The following ITPRID1 variants were observed in gnomAD, a reference collection of about 807,000 sequenced individuals.
The protein encoded by ITPRID1 is ITPR interacting domain containing 1.
ITPRID1 carries 96 observed loss-of-function variants against 95.4 expected under a neutral mutation model. The observed-to-expected ratio is 1.01, with a 90% confidence interval of 0.85 to 1.19. ITPRID1 has a LOEUF of 1.19. Ranked by LOEUF, ITPRID1 falls within the 50% of genes most tolerant of loss-of-function variation. ITPRID1 has a pLI of 0.00. For missense variants in ITPRID1, 1,339 were observed against 1,252.9 expected (o/e 1.07, Z -1.04); for synonymous variants, 510 against 453.6 (o/e 1.12, Z -1.58).
In ITPRID1 at chr7:31,641,713, T is replaced by C. The variant is rs555847489; in HGVS notation, c.1229-463T>C. ...CTAAAACATGAGCACAAACTTGTAG[T>C]CATAGAAATAGTCCAGCTGAAGCTA... On this transcript the variant is annotated intron_variant, in intron 10 of 14. Transcript: ENST00000615280. 3.9e-5 allele frequency among the ~76,000 whole-genome samples: 6 copies of C among 152,258 alleles called. No individual in the cohort carries two copies. In the East Asian group the frequency reaches 1.2e-3, roughly 29 times the overall value.
intron 12 of ITPRID1, among the ~76,000 whole-genome samples, chr7:31,649,957 G>A (rs898575413): frequency 6.6e-6 from 1 of 152,124 alleles, no homozygotes; most frequent in Non-Finnish European, 1.5e-5. Flanking sequence ...AATAAGGGAG[G>A]GTGAAGAGTA....
intron 10 of ITPRID1, among the ~76,000 whole-genome samples, chr7:31,630,278 A>G (rs376557799): frequency 6.6e-6 from 1 of 151,012 alleles, no homozygotes; most frequent in East Asian, 1.9e-4. Context: ...AAAATTAATC[A>G]TATTAGTAAT....
chr7:31,600,036 C>T (rs1786326991), intron 10 of ITPRID1, among the ~76,000 whole-genome samples: 1 of 151,948 alleles, frequency 6.6e-6, no homozygotes, highest in Non-Finnish European at 1.5e-5. Flanking sequence ...GAAATATTTC[C>T]AAATATTTCA....
intron 7 of ITPRID1, among the ~76,000 whole-genome samples, chr7:31,573,900 T>C (rs73311422): frequency 0.14 from 20,804 of 151,470 alleles, 1,676 homozygotes; most frequent in African/African-American, 0.21. Context: ...ATAAATATAA[T>C]TTCCAGCTAA....
chr7:31,639,491 C>T (rs1789807753), intron 10 of ITPRID1, among the ~76,000 whole-genome samples: 1 of 150,182 alleles, frequency 6.7e-6, no homozygotes, highest in Non-Finnish European at 1.5e-5. Context: ...TTTCCTCTAG[C>T]TTCTTGAACA....
At chr7:31,630,108 G>A (rs1051831949) in intron 10 of ITPRID1, among the ~76,000 whole-genome samples, 1 of 151,920 alleles carries the variant, frequency 6.6e-6, no homozygotes, top group Non-Finnish European at 1.5e-5. Context: ...ATAGGTACTT[G>A]TTTAATTCTT....
Position 31,545,102 on chromosome 7 carries a change from G to A in ITPRID1, c.-97-4324G>A, listed in dbSNP as rs569193381. On this transcript the variant is annotated intron_variant, in intron 1 of 14. Transcript: ENST00000615280. The stretch of plus-strand genomic sequence containing the variant: ...TAAGGGGCTACACAGGTTGCTGTGA[G>A]TGTCAGAAGTAGGTTAGAGTCAGGG... Among the ~76,000 whole-genome samples, 29 of 152,278 alleles carry A rather than the reference G, an allele frequency of 1.9e-4. No individual in the cohort carries two copies. In the East Asian group the frequency reaches 5.4e-3, roughly 28 times the overall value.
Position 31,569,776 on chromosome 7 carries a change from G to A in ITPRID1, c.275G>A (p.Gly92Glu), listed in dbSNP as rs1160950205. 4 of 1,586,746 alleles carry A rather than the reference G, an allele frequency of 2.5e-6. No individual in the cohort carries two copies. The African/African-American group carries it at 5.4e-5, about 21-fold the overall frequency. ...IDRTVSLYEQ[G>E]MVQMTVKDYM... ...GTTGCAGTTTCTTTGTATGAACAAG[G>A]GATGGTTCAAATGACTGTGAAAGAC... Residue 92 changes from glycine (G) to glutamate (E), a missense_variant, in exon 6 of 15, where the codon GGG becomes GAG. Coordinates refer to ENST00000615280, the MANE Select transcript of ITPRID1 (RefSeq NM_001257967.3).
intron 2 of ITPRID1, among the ~76,000 whole-genome samples, chr7:31,549,904 A>G (rs980064220): frequency 6.6e-6 from 1 of 152,216 alleles, no homozygotes; most frequent in Non-Finnish European, 1.5e-5. Flanking sequence ...GAAATAACTC[A>G]GAGGACAAGA....
chr7:31,603,473 T>TTTTTTTTTTTTTTTTTTTTTTTGA (rs1173960308), intron 10 of ITPRID1, among the ~76,000 whole-genome samples: 2 of 152,114 alleles, frequency 1.3e-5, no homozygotes, highest in Non-Finnish European at 2.9e-5. Flanking sequence ...TTTTCTTAAT[T>TTTTTTTTTTTTTTTTTTTTTTTGA]GACTGAGTAT....
intron 1 of ITPRID1, among the ~76,000 whole-genome samples, chr7:31,520,843 G>C (rs551764454): frequency 3.9e-5 from 6 of 151,938 alleles, no homozygotes; most frequent in Middle Eastern, 3.4e-3. Context: ...AGTTAAACAT[G>C]AGTTAATACT....
intron 10 of ITPRID1, among the ~76,000 whole-genome samples, chr7:31,595,583 T>C (rs1021632812): frequency 6.6e-6 from 1 of 152,038 alleles, no homozygotes; most frequent in Non-Finnish European, 1.5e-5. Context: ...AATGAAGACA[T>C]TTTATGTAAA....
rs767805607 is a variant in ITPRID1 at position 31,655,509 on chromosome 7, C to T, written c.*2680C>T. The stretch of plus-strand genomic sequence containing the variant: ...ATATTTGCTGGATCTACAGTGAATA[C>T]CCAGAAAGTACTTTTAGAATAAGCC... On this transcript the variant is annotated 3_prime_UTR_variant, in exon 15 of 15. Coordinates refer to ENST00000615280, the MANE Select transcript of ITPRID1 (RefSeq NM_001257967.3). 4.6e-5 allele frequency among the ~76,000 whole-genome samples: 7 copies of T among 152,142 alleles called. No individual in the cohort carries two copies. Among genetic ancestry groups the T allele is most frequent in the Non-Finnish European group, 1.0e-4 (7 of 68,026 alleles).
chr7:31,638,057 A>G (rs1474923713), intron 10 of ITPRID1, among the ~76,000 whole-genome samples: 1 of 152,156 alleles, frequency 6.6e-6, no homozygotes, highest in East Asian at 1.9e-4. Flanking sequence ...TATTAAGCAG[A>G]GGGGCTCCCA....
intron 10 of ITPRID1, among the ~76,000 whole-genome samples, chr7:31,615,393 G>A (rs1375121140): frequency 1.3e-5 from 2 of 152,104 alleles, no homozygotes; most frequent in Non-Finnish European, 2.9e-5. Flanking sequence ...CTTGGCAGTT[G>A]TAAGGATTAT....
At position 31,553,063 on chromosome 7, in the gene ITPRID1, G is replaced by A. The variant is rs114739660; in HGVS notation, c.39G>A (p.Gln13=). Residue 13 remains glutamine (Q), a synonymous_variant, in exon 3 of 15, where the codon CAG becomes CAA. Coordinates refer to ENST00000615280, the MANE Select transcript of ITPRID1 (RefSeq NM_001257967.3). ...AQKSQGSDNL[Q]EGQEKSKREI... ...AATCACAAGGATCTGACAACCTTCA[G>A]GAAGGCCAGGAAAAGAGCAAGAGAG... 4.2e-4 allele frequency: 676 copies of A among 1,609,236 alleles called. 1 individual carries two copies. The African/African-American group carries it at 7.8e-3, about 19-fold the overall frequency.
chr7:31,583,287 T>C, intron 10 of ITPRID1, 96 bp downstream of exon 10: 1 of 827,344 alleles, frequency 1.2e-6, no homozygotes, highest in Non-Finnish European at 1.9e-6. Context: ...GCTTAAATTA[T>C]CTCTAGAAGG....
intron 1 of ITPRID1, among the ~76,000 whole-genome samples, chr7:31,518,886 T>G (rs1028062204): frequency 1.3e-5 from 2 of 152,230 alleles, no homozygotes; most frequent in African/African-American, 2.4e-5. Context: ...TCCTGAATCT[T>G]AATCTTCTAT....
intron 12 of ITPRID1, among the ~76,000 whole-genome samples, chr7:31,644,711 A>C (rs1790314525): frequency 6.6e-6 from 1 of 152,174 alleles, no homozygotes; most frequent in African/African-American, 2.4e-5. Flanking sequence ...CTTTTTAGTA[A>C]GTTTTTAAGG....
Sources: gnomAD v4.1 joint callset for allele counts (sites outside exome capture counted in the v4.1 genomes callset) on GRCh38, gnomAD v4.1.1 for gene constraint, MANE v1.5 for transcripts, NCBI Gene and HGNC (gene_info 2026-07-23, HGNC 2026-07-21) for gene names.